The following SHOC1 variants were observed in gnomAD, a reference collection of about 807,000 sequenced individuals.
SHOC1 encodes the protein shortage in chiasmata 1.
Under a neutral mutation model 179.2 loss-of-function variants are expected in SHOC1, and 136 were observed. That is an observed-to-expected ratio of 0.76 (90% CI 0.66 to 0.87). The LOEUF is 0.87. Among genes scored for constraint, SHOC1 ranks in the 40% least tolerant of loss-of-function variants. The pLI, the probability that SHOC1 is intolerant of heterozygous loss-of-function variation, is 0.00. For missense variants in SHOC1, 1,538 were observed against 1,700.8 expected, an observed-to-expected ratio of 0.90 and a Z score of 1.68; for synonymous variants, 489 against 586.6, an observed-to-expected ratio of 0.83 and a Z score of 2.41.
At chr9:111,753,613 T>C (rs1246482435) in intron 8 of SHOC1, among the ~76,000 whole-genome samples, 1 of 152,170 alleles carries the variant, frequency 6.6e-6, no homozygotes, top group Non-Finnish European at 1.5e-5. Context: ...TATACCATGA[T>C]CAAGTGAGAT....
At chr9:111,711,925 A>G in intron 18 of SHOC1, among the ~76,000 whole-genome samples, 1 of 152,182 alleles carries the variant, frequency 6.6e-6, no homozygotes, top group South Asian at 2.1e-4. Context: ...TGAGGTTTAA[A>G]TGAAAAGTAC....
intron 25 of SHOC1, 101 bp from the exon 26 acceptor site, chr9:111,694,049 T>A: frequency 1.1e-6 from 1 of 912,762 alleles, no homozygotes; most frequent in Non-Finnish European, 1.6e-6. Flanking sequence ...AGTTTAATAG[T>A]CAGTAGTCTT....
chr9:111,732,330 T>C (rs1006371440), intron 12 of SHOC1, among the ~76,000 whole-genome samples: 2 of 152,160 alleles, frequency 1.3e-5, no homozygotes, highest in African/African-American at 4.8e-5. Flanking sequence ...ACACCTGTAA[T>C]CCCAGTACTT....
At chr9:111,781,742 A>T (rs1050089210) in intron 3 of SHOC1, among the ~76,000 whole-genome samples, 3 of 106,670 alleles carry the variant, frequency 2.8e-5, no homozygotes, top group African/African-American at 6.6e-5. Flanking sequence ...ATAAATAAAT[A>T]AATAAATAAA....
chr9:111,783,647 C>T (rs563956104), intron 3 of SHOC1, among the ~76,000 whole-genome samples: 2 of 152,320 alleles, frequency 1.3e-5, no homozygotes, highest in African/African-American at 4.8e-5. Flanking sequence ...TCTAGTTTCA[C>T]AGGTTTATGT....
rs780258200 is a variant in SHOC1 at position 111,728,068 on chromosome 9, A to G, written c.1418-19T>C. On this transcript the variant is annotated intron_variant, in intron 12 of 27. Transcript: ENST00000682961. ...AGACATGCTGAAAACAGAAAATAAC[A>G]ACACACAAGTAACTTCCACACCTAA... is the stretch of plus-strand genomic sequence containing the variant. 15 of 1,518,466 alleles carry G rather than the reference A, an allele frequency of 9.9e-6. No individual in the cohort carries two copies. The highest frequency in any genetic ancestry group is 1.3e-5 in the Non-Finnish European group (15 of 1,127,786). The allele number at this position is 1,518,466 out of a possible 1,614,324, so 94.1% of individuals were successfully genotyped here.
At chr9:111,746,151 A>C (rs1834267692) in intron 10 of SHOC1, 83 bp downstream of exon 10, 2 of 848,230 alleles carry the variant, frequency 2.4e-6, no homozygotes, top group African/African-American at 1.7e-5. Context: ...GGTATCTTGG[A>C]AATTGCTTTT....
Position 111,712,439 on chromosome 9 carries a change from A to G in SHOC1, c.2488+661T>C, listed in dbSNP as rs116671441. On this transcript the variant is annotated intron_variant, in intron 18 of 27. Coordinates refer to ENST00000682961, the MANE Select transcript of SHOC1 (RefSeq NM_001378211.1). Reference sequence around the variant, plus strand: ...ATGGAAGGTAAGAAATGGCTTTCTCATCTCTATGCGGTATATATGTAGAGA... The same window carrying G: ...ATGGAAGGTAAGAAATGGCTTTCTCGTCTCTATGCGGTATATATGTAGAGA... Among the ~76,000 whole-genome samples the G allele has an allele frequency of 2.9e-3, 431 of 150,994 alleles. 1 individual carries two copies. The highest frequency in any genetic ancestry group is 0.01 in the African/African-American group (415 of 40,340).
Position 111,692,471 on chromosome 9 carries a change from G to A in SHOC1, c.3506C>T (p.Ser1169Phe), listed in dbSNP as rs774422432. Residue 1169 changes from serine to phenylalanine, a missense_variant, in exon 27 of 28, where the codon TCT (serine) becomes TTT (phenylalanine). Physicochemically the swap from Ser to Phe is radical, Grantham distance 155. Coordinates refer to ENST00000682961, the MANE Select transcript of SHOC1 (RefSeq NM_001378211.1). ...AATTTGCGGTGATTTTGTTATGGAA[G>A]AAGAACCAATCTTGAATAGGGAAGT... ...SITSLFKIGS[S>F]SITKSPQISS... 8.8e-6 allele frequency: 14 copies of A among 1,599,444 alleles called. No individual in the cohort carries two copies. In the Admixed American group the frequency reaches 2.4e-4, roughly 27 times the overall value.
At chr9:111,758,929 G>T in intron 5 of SHOC1, 81 bp from the exon 6 acceptor site, 2 of 920,852 alleles carry the variant, frequency 2.2e-6, no homozygotes, top group South Asian at 3.6e-5. Context: ...AATGTAATCA[G>T]TCATTAGATA....
At chr9:111,726,053 T>G (rs1833280360) in intron 13 of SHOC1, among the ~76,000 whole-genome samples, 1 of 152,142 alleles carries the variant, frequency 6.6e-6, no homozygotes, top group African/African-American at 2.4e-5. Context: ...CTTTGAAAAA[T>G]TCTTATTTTT....
rs1416777614 is a variant in SHOC1 at position 111,785,955 on chromosome 9, A to G, written c.126T>C (p.His42=). The change falls in exon 3 of 28, where the codon CAT becomes CAC. Residue 42 remains histidine, a synonymous_variant. Transcript: ENST00000682961. ...PSCLYQDESY[H]VAVTDNKFRR... is the part of the protein sequence containing the mutation. ...TAAATTTATTATCAGTAACTGCTAC[A>G]TGGTAACTTTCATCTTGATATAAAC... 6 of 1,526,888 alleles carry G rather than the reference A, an allele frequency of 3.9e-6. No individual in the cohort carries two copies. In the South Asian group the frequency reaches 7.6e-5, roughly 19 times the overall value. The allele number at this position is 1,526,888 out of a possible 1,614,324, so 94.6% of individuals were successfully genotyped here.
chr9:111,769,450 C>T (rs1379221979), intron 5 of SHOC1, among the ~76,000 whole-genome samples: 2 of 151,928 alleles, frequency 1.3e-5, no homozygotes, highest in East Asian at 1.9e-4. Context: ...TGGTTTGTTG[C>T]GGTTTTCTAT....
chr9:111,697,008 C>G (rs1178295500), intron 24 of SHOC1, among the ~76,000 whole-genome samples: 1 of 152,074 alleles, frequency 6.6e-6, no homozygotes, highest in Non-Finnish European at 1.5e-5. Context: ...TTGCTTTGTG[C>G]AAAGCACTAT....
chr9:111,793,853 T>G (rs953861354), intron 1 of SHOC1, among the ~76,000 whole-genome samples: 4 of 151,954 alleles, frequency 2.6e-5, no homozygotes, highest in Non-Finnish European at 5.9e-5. Context: ...ATTTAATTAA[T>G]TAATCAAATA....
intron 4 of SHOC1, among the ~76,000 whole-genome samples, chr9:111,776,393 A>G (rs1252519153): frequency 6.6e-6 from 1 of 152,236 alleles, no homozygotes; most frequent in Non-Finnish European, 1.5e-5. Context: ...ATCTATATGC[A>G]CTAATAATCT....
intron 24 of SHOC1, among the ~76,000 whole-genome samples, chr9:111,699,575 G>C (rs566553744): frequency 6.6e-6 from 1 of 152,298 alleles, no homozygotes; most frequent in South Asian, 2.1e-4. Flanking sequence ...GCCAAGGGAA[G>C]AGACTGATTA....
chr9:111,743,927 A>G (rs1175982252), intron 10 of SHOC1, among the ~76,000 whole-genome samples: 3 of 152,198 alleles, frequency 2.0e-5, no homozygotes, highest in Non-Finnish European at 4.4e-5. Context: ...GTGAGGGGAA[A>G]ACTTCTTTCA....
intron 2 of SHOC1, among the ~76,000 whole-genome samples, chr9:111,787,888 C>T (rs1445590745): frequency 6.6e-6 from 1 of 152,018 alleles, no homozygotes; most frequent in African/African-American, 2.4e-5. Context: ...AGTCAGCAGC[C>T]GTCAACTTCA....
Sources: allele counts gnomAD v4.1 joint callset (sites outside exome capture counted in the v4.1 genomes callset), GRCh38; gene constraint gnomAD v4.1.1; transcripts MANE v1.5; gene names NCBI Gene and HGNC (gene_info 2026-07-23, HGNC 2026-07-21).